MGAM: variants seen among roughly 807,000 people sequenced by gnomAD.
MGAM encodes the protein maltase-glucoamylase.
In MGAM, 253 loss-of-function variants were observed where a neutral mutation model predicts 358.8. The observed-to-expected ratio is 0.71, with a 90% CI of 0.64 to 0.78. The LOEUF (loss-of-function observed/expected upper bound fraction) is 0.78. MGAM is among the 30% of genes least tolerant of loss of function. The probability of loss-of-function intolerance (pLI) is 0.00; values close to 1 mark genes in which losing one functional copy is unlikely to be tolerated. For synonymous variants in MGAM, 1,105 were observed against 1,227.1 expected, an observed-to-expected ratio of 0.90 and a Z score of 2.08; for missense variants, 3,080 against 3,432.6, an observed-to-expected ratio of 0.90 and a Z score of 2.57.
At position 142,084,789 on chromosome 7, in the gene MGAM, G is replaced by A; in HGVS notation, c.6507+145G>A. ...TCACAGTTAGCCTCACCCCAGCACA[G>A]TAATAGAGGTAAGGGCCCTTGTTTC... On this transcript the variant is annotated intron_variant, in intron 54 of 70. Transcript: ENST00000475668. 3 of 1,128,778 alleles carry A rather than the reference G, an allele frequency of 2.7e-6. 1 individual carries two copies. The highest frequency in any genetic ancestry group is 3.7e-6 in the Non-Finnish European group (3 of 812,848). 69.9% of individuals were successfully genotyped at this position (1,128,778 alleles called of 1,614,324 possible).
At position 142,078,849 on chromosome 7, in the gene MGAM, C is replaced by A. The variant is rs35584918; in HGVS notation, c.5688C>A (p.Asn1896Lys). Residue 1896 changes from asparagine (N) to lysine (K), a missense_variant, in exon 49 of 71, where the codon AAC becomes AAA. Asn to Lys is a moderately conservative substitution (Grantham distance 94). This residue lies in a region of MGAM where 932 missense variants were observed against 1,198.2 expected (regional missense o/e 0.78). Transcript: ENST00000475668. ...GAGTCCCTTTTTGCTATTTTGTCAA[C>A]GACCTATACTCTGTCAGTGATGTTC... The part of the protein sequence containing the change: ...SSGVPFCYFV[N>K]DLYSVSDVQY... The A allele has an allele frequency of 1.9e-6, 3 of 1,555,278 alleles. No homozygotes were observed. Among genetic ancestry groups the A allele is most frequent in the Non-Finnish European group, 2.7e-6 (3 of 1,132,004 alleles).
At chr7:142,038,271 A>C (rs1408322424) in intron 18 of MGAM, among the ~76,000 whole-genome samples, 1 of 152,202 alleles carries the variant, frequency 6.6e-6, no homozygotes, top group Non-Finnish European at 1.5e-5. Flanking sequence ...GGAAAATAGA[A>C]TTACAGCCTG....
At chr7:142,060,422 G>A (rs1392698006) in intron 34 of MGAM, 49 bp downstream of exon 34, 5 of 1,593,746 alleles carry the variant, frequency 3.1e-6, no homozygotes, top group Admixed American at 1.7e-5. Flanking sequence ...TGTAGGCAGG[G>A]GCAGCTGTTC....
At chr7:142,098,200 T>C (rs1329550245) in intron 66 of MGAM, among the ~76,000 whole-genome samples, 1 of 117,658 alleles carries the variant, frequency 8.5e-6, no homozygotes, top group African/African-American at 2.8e-5. Context: ...GCAGTGCAAG[T>C]GCATTTAGAA....
chr7:142,057,099 T>A (rs1461136463), intron 30 of MGAM, among the ~76,000 whole-genome samples, 157 bp downstream of exon 30: 1 of 152,220 alleles, frequency 6.6e-6, no homozygotes, highest in Non-Finnish European at 1.5e-5. Flanking sequence ...ATTCTAATTA[T>A]CATTAAATTT....
intron 67 of MGAM, 88 bp downstream of exon 67, chr7:142,099,825 A>C: frequency 4.8e-5 from 74 of 1,527,704 alleles, no homozygotes; most frequent in African/African-American, 5.5e-5. Flanking sequence ...CATCACTCTC[A>C]AACCCACATG....
chr7:142,032,986 A>G, intron 14 of MGAM, 77 bp downstream of exon 14: 2 of 983,766 alleles, frequency 2.0e-6, no homozygotes, highest in East Asian at 2.7e-5. Context: ...GATCTGAAAA[A>G]TCTGGCAAGG....
intron 1 of MGAM, among the ~76,000 whole-genome samples, chr7:142,001,767 G>A (rs1554450736): frequency 3.9e-5 from 6 of 152,172 alleles, no homozygotes; most frequent in African/African-American, 1.4e-4. Context: ...ACCAAGTCGG[G>A]TGTGGTGACA....
At chr7:142,032,086 A>G (rs117604044) in intron 13 of MGAM, among the ~76,000 whole-genome samples, 2 of 139,658 alleles carry the variant, frequency 1.4e-5, no homozygotes, top group East Asian at 2.1e-4. Context: ...AGAATAGGTC[A>G]TGTACTCCTT....
At position 142,050,216 on chromosome 7, in the gene MGAM, G is replaced by A. The variant is rs1034154421; in HGVS notation, c.2588-19G>A. ...AGGTGGGCAGGCCAGAATCTGACTT[G>A]TCTTTCTCTCACTTTCAGATACTGT... On this transcript the variant is annotated intron_variant, in intron 22 of 70. Coordinates refer to ENST00000475668, the MANE Select transcript of MGAM (RefSeq NM_001365693.1). 7.4e-6 allele frequency: 12 copies of A among 1,613,398 alleles called. No individual in the cohort carries two copies. Among genetic ancestry groups the A allele is most frequent in the Middle Eastern group, 3.3e-4 (2 of 6,082 alleles).
At chr7:142,064,264 G>A in intron 36 of MGAM, 120 bp from the exon 37 acceptor site, 2 of 1,427,626 alleles carry the variant, frequency 1.4e-6, no homozygotes, top group Admixed American at 4.0e-5. Context: ...CTGGGGAGAT[G>A]GAGAGCGACA....
In MGAM at chr7:142,059,399, G is replaced by A. The variant is rs1431888973; in HGVS notation, c.3820-73G>A. The A allele has an allele frequency of 8.4e-6, 13 of 1,555,368 alleles. No individual in the cohort carries two copies. In the Admixed American group the frequency reaches 1.3e-4, roughly 16 times the overall value. The stretch of plus-strand genomic sequence containing the variant: ...GCTGTCTGGAATTCCACCATGGGTG[G>A]TGGAGGGTTGTTCTCCTATAAAGCT... On this transcript the variant is annotated intron_variant, in intron 31 of 70. Transcript: ENST00000475668.
chr7:142,038,622 G>T lies in MGAM; in HGVS notation c.2316+7G>T. 1 of 1,599,688 alleles carries T rather than the reference G, an allele frequency of 6.3e-7. No homozygotes were observed. Among genetic ancestry groups the T allele is most frequent in the Non-Finnish European group, 8.5e-7 (1 of 1,171,662 alleles). Reference sequence around the variant, plus strand: ...CACTCCAGTTCTGGATGAAGTAAGTGTTCCCACAGAGATACACTAGAGATC... The same window carrying T: ...CACTCCAGTTCTGGATGAAGTAAGTTTTCCCACAGAGATACACTAGAGATC... On this transcript the variant is annotated splice_region_variant and intron_variant, in intron 19 of 70. Transcript: ENST00000475668.
chr7:142,050,377 T>G (rs1215204144), intron 23 of MGAM, 93 bp downstream of exon 23: 2 of 1,424,022 alleles, frequency 1.4e-6, no homozygotes, highest in Non-Finnish European at 2.0e-6. Flanking sequence ...TGTGATTATA[T>G]TTGTAACTTT....
rs779315324 is a variant in MGAM at position 142,092,549 on chromosome 7, A to G, written c.6974A>G (p.Asn2325Ser). The G allele has an allele frequency of 3.1e-5, 48 of 1,549,540 alleles. 5 individuals carry two copies. In the African/African-American group the frequency reaches 5.2e-4, roughly 17 times the overall value. The change falls in exon 59 of 71, where the codon AAT becomes AGT. Residue 2325 changes from asparagine to serine, a missense_variant. By Grantham distance (46) the Asn-to-Ser change is conservative. Around this residue, in one of 5 missense-constraint regions of MGAM, gnomAD observed 932 missense variants for 1,198.2 expected, o/e 0.78. Coordinates refer to ENST00000475668, the MANE Select transcript of MGAM (RefSeq NM_001365693.1). The part of the protein sequence containing the change: ...IDMNEPSSFV[N>S]GAVSPGCRDA... ...ATGAATGAACCATCAAGCTTCGTGAATGGGGCAGTTTCTCCAGGCTGCAGG... is the reference window on the plus strand; with the variant it reads ...ATGAATGAACCATCAAGCTTCGTGAGTGGGGCAGTTTCTCCAGGCTGCAGG...
chr7:142,026,981 T>C, intron 8 of MGAM, 134 bp from the exon 9 acceptor site: 1 of 627,854 alleles, frequency 1.6e-6, no homozygotes, highest in Non-Finnish European at 2.8e-6. Flanking sequence ...TTTCACTTGG[T>C]ATTCAAAATG....
chr7:142,015,936 A>G (rs1805928478), intron 3 of MGAM, among the ~76,000 whole-genome samples: 1 of 152,106 alleles, frequency 6.6e-6, no homozygotes, highest in South Asian at 2.1e-4. Context: ...GAATCACACA[A>G]GTAGATTTTC....
At position 142,056,861 on chromosome 7, in the gene MGAM, A is replaced by G; in HGVS notation, c.3612A>G (p.Thr1204=). Residue 1204 remains threonine, a synonymous_variant, in exon 30 of 71, where the codon ACA becomes ACG. Coordinates refer to ENST00000475668, the MANE Select transcript of MGAM (RefSeq NM_001365693.1). ...DVTFQPLPAL[T]YRTTGGVLDF... is the part of the protein sequence containing the mutation. Reference sequence around the variant, plus strand: ...CGTTCCAGCCCCTGCCTGCCTTGACATACCGCACCACAGGGGGAGTTCTGG... The same window carrying G: ...CGTTCCAGCCCCTGCCTGCCTTGACGTACCGCACCACAGGGGGAGTTCTGG... 1 of 1,613,846 alleles carries G rather than the reference A, an allele frequency of 6.2e-7. No individual in the cohort carries two copies. The highest frequency in any genetic ancestry group is 1.1e-5 in the South Asian group (1 of 91,076).
chr7:141,999,750 C>G (rs1216659345), intron 1 of MGAM, among the ~76,000 whole-genome samples: 1 of 152,014 alleles, frequency 6.6e-6, no homozygotes, highest in Non-Finnish European at 1.5e-5. Flanking sequence ...TTTTAAAAGC[C>G]CTTAACCCTA....
Sources: gnomAD v4.1 joint callset for allele counts (sites outside exome capture counted in the v4.1 genomes callset) on GRCh38, gnomAD v4.1.1 for gene constraint, gnomAD v4.1.1 regional missense constraint, MANE v1.5 for transcripts, NCBI Gene and HGNC (gene_info 2026-07-23, HGNC 2026-07-21) for gene names.